Variants in C10orf105 observed in about 807,000 individuals in gnomAD.
C10orf105 encodes the protein uncharacterized protein C10orf105.
In C10orf105, 2 loss-of-function variants were observed where a neutral mutation model predicts 0.6. That is an observed-to-expected ratio of 3.18 (90% CI 1.30 to 10.01). The LOEUF (loss-of-function observed/expected upper bound fraction) is 10.01. C10orf105 is among the 30% of genes most tolerant of loss of function. The pLI, the probability that C10orf105 is intolerant of heterozygous loss-of-function variation, is 0.04. For synonymous variants in C10orf105, 95 were observed against 82.4 expected (o/e 1.15, Z -0.83); for missense variants, 209 against 191.4 (o/e 1.09, Z -0.54).
Position 71,716,270 on chromosome 10 carries a change from G to A in C10orf105, c.68C>T (p.Pro23Leu), listed in dbSNP as rs1235404744. The change falls in exon 2 of 2, where the codon CCC becomes CTC. Residue 23 changes from proline (P) to leucine (L), a missense_variant. Transcript: ENST00000441508. Reference protein sequence around the residue: ...AISPLAFLSAPVTPGTLAEAT... With the variant: ...AISPLAFLSALVTPGTLAEAT... ...CTCTGCAAGGGTCCCGGGAGTGACG[G>A]GAGCTGAGAGAAAGGCGAGGGGGCT... 11 of 1,537,612 alleles carry A rather than the reference G, an allele frequency of 7.2e-6. No individual in the cohort carries two copies. Among genetic ancestry groups the A allele is most frequent in the East Asian group, 2.5e-5 (1 of 40,446 alleles).
chr10:71,724,774 T>A (rs1024616126), upstream of C10orf105, among the ~76,000 whole-genome samples: 1 of 152,168 alleles, frequency 6.6e-6, no homozygotes, highest in African/African-American at 2.4e-5. Flanking sequence ...AACCAATCGC[T>A]ATGGCCAGAG....
intron 1 of C10orf105, among the ~76,000 whole-genome samples, chr10:71,730,039 T>G (rs2132818234): frequency 6.6e-6 from 1 of 152,254 alleles, no homozygotes; most frequent in Admixed American, 6.5e-5. Flanking sequence ...TTTCACCGTG[T>G]TAGCCAGGAT....
intron 1 of C10orf105, among the ~76,000 whole-genome samples, chr10:71,730,258 G>A (rs886173721): frequency 2.0e-5 from 3 of 152,214 alleles, no homozygotes; most frequent in East Asian, 1.9e-4. Context: ...AGTTCATTCC[G>A]AAACAAGTAA....
intron 1 of C10orf105, among the ~76,000 whole-genome samples, chr10:71,728,592 A>C (rs1866918414): frequency 6.6e-6 from 1 of 152,170 alleles, no homozygotes. Flanking sequence ...TCTGCTGCAC[A>C]TGCAGAGGCC....
chr10:71,716,035 G>A lies in C10orf105; in HGVS notation c.303C>T (p.His101=). 2 of 1,508,066 alleles carry A rather than the reference G, an allele frequency of 1.3e-6. No homozygotes were observed. The allele number at this position is 1,508,066 out of a possible 1,614,324, so 93.4% of individuals were successfully genotyped here. Residue 101 remains histidine (H), a synonymous_variant, in exon 2 of 2, where the codon CAC becomes CAT. Coordinates refer to ENST00000441508, the MANE Select transcript of C10orf105 (RefSeq NM_001164375.3). ...CGGTGGGCCGGCCATGGCGGAAGCT[G>A]TGCAGGGAGAGGCGCAAGGAGCCCA... ...KRLGSLRLSL[H]SFRHGRPTVP... is the part of the protein sequence containing the mutation.
intron 1 of C10orf105, among the ~76,000 whole-genome samples, chr10:71,735,838 C>T (rs538092353): frequency 1.2e-4 from 19 of 152,344 alleles, no homozygotes; most frequent in African/African-American, 4.1e-4. Context: ...GAAGTCTCCA[C>T]AGCTCCCCTC....
At chr10:71,732,129 TGACCAG>T in intron 1 of C10orf105, 1 of 1,614,026 alleles carries the variant, frequency 6.2e-7, no homozygotes, top group East Asian at 2.2e-5. Context: ...TGTCGGCCAC[TGACCAG>T]GCCCCGCCCT....
At position 71,726,556 on chromosome 10, in the gene C10orf105, T is replaced by C. The variant is rs543253074; in HGVS notation, c.-5-10214A>G. Among the ~76,000 whole-genome samples the C allele has an allele frequency of 7.2e-5, 11 of 152,360 alleles. No homozygotes were observed. The East Asian group carries it at 1.3e-3, about 19-fold the overall frequency. On this transcript the variant is annotated intron_variant, in intron 1 of 1. Transcript: ENST00000398786. ...CCTTGCAACTGCCCTGAGTGAGACCTGCCCTGTGGAAATGGCTGAGAGGGT... is the reference window on the plus strand; with the variant it reads ...CCTTGCAACTGCCCTGAGTGAGACCCGCCCTGTGGAAATGGCTGAGAGGGT...
At chr10:71,718,743 G>C (rs1303860346) in intron 1 of C10orf105, among the ~76,000 whole-genome samples, 1 of 152,178 alleles carries the variant, frequency 6.6e-6, no homozygotes, top group Non-Finnish European at 1.5e-5. Flanking sequence ...TAGGATCCAG[G>C]CTTCAGGCCT....
Position 71,732,187 on chromosome 10 carries a change from G to A in C10orf105, c.-6+5541C>T, listed in dbSNP as rs1007435841. The A allele has an allele frequency of 5.0e-6, 8 of 1,613,850 alleles. No individual in the cohort carries two copies. Among genetic ancestry groups the A allele is most frequent in the South Asian group, 1.1e-5 (1 of 91,060 alleles). On this transcript the variant is annotated intron_variant, in intron 1 of 1. Transcript: ENST00000398786. ...CAGCGTCTACATCACTCTGCTCAAC[G>A]AGCTGGACGAGGCCGTGCAGTTCTC... is the stretch of plus-strand genomic sequence containing the variant.
intron 1 of C10orf105, among the ~76,000 whole-genome samples, chr10:71,729,836 A>AT (rs1202953738): frequency 6.6e-6 from 1 of 151,430 alleles, no homozygotes; most frequent in Non-Finnish European, 1.5e-5. Context: ...TTTTATTATT[A>AT]TTAATTTTTT....
upstream of C10orf105, among the ~76,000 whole-genome samples, chr10:71,723,571 C>G (rs556208183): frequency 7.2e-5 from 11 of 152,242 alleles, no homozygotes; most frequent in East Asian, 2.1e-3. Context: ...ACGAAGTGAC[C>G]GTTACAGTGT....
chr10:71,726,590 CT>C (rs1866822951), intron 1 of C10orf105, among the ~76,000 whole-genome samples: 1 of 152,234 alleles, frequency 6.6e-6, no homozygotes, highest in Admixed American at 6.5e-5. Flanking sequence ...GTCAGATCCC[CT>C]GGTTCTTACA....
chr10:71,720,924 A>G (rs76226002), upstream of C10orf105, among the ~76,000 whole-genome samples: 454 of 152,312 alleles, frequency 3.0e-3, 1 homozygote, highest in African/African-American at 0.01. Context: ...GTAGGCATCC[A>G]GGGTAGGCAA....
chr10:71,728,302 T>C (rs1298948652), intron 1 of C10orf105, among the ~76,000 whole-genome samples: 2 of 151,252 alleles, frequency 1.3e-5, no homozygotes, highest in East Asian at 3.9e-4. Context: ...TTAGTTTGCA[T>C]AGTGGGTTCT....
In C10orf105 at chr10:71,712,875, C is replaced by T; in HGVS notation, c.*3061G>A. On this transcript the variant is annotated 3_prime_UTR_variant, in exon 2 of 2. Coordinates refer to ENST00000441508, the MANE Select transcript of C10orf105 (RefSeq NM_001164375.3). Reference sequence around the variant, plus strand: ...TGGGGGAGGCGGAGCCACACACGGCCCTGAGGGCACATGCTCAGTGGCACC... The same window carrying T: ...TGGGGGAGGCGGAGCCACACACGGCTCTGAGGGCACATGCTCAGTGGCACC... The T allele has an allele frequency of 6.4e-7, 1 of 1,566,662 alleles. No individual in the cohort carries two copies. The highest frequency in any genetic ancestry group is 1.2e-5 in the South Asian group (1 of 86,772).
Position 71,716,069 on chromosome 10 carries a change from C to T in C10orf105, c.269G>A (p.Trp90Ter), listed in dbSNP as rs1200998613. The T allele has an allele frequency of 4.0e-6, 6 of 1,516,236 alleles. No homozygotes were observed. The highest frequency in any genetic ancestry group is 1.4e-5 in the African/African-American group (1 of 71,960). 93.9% of individuals were successfully genotyped at this position (1,516,236 alleles called of 1,614,324 possible). Residue 90 changes from tryptophan (W) to a stop codon, truncating the protein, a stop_gained, in exon 2 of 2, where the codon TGG (tryptophan) becomes TAG (stop). Coordinates refer to ENST00000441508, the MANE Select transcript of C10orf105 (RefSeq NM_001164375.3). LOFTEE classifies it low-confidence loss of function (END_TRUNC). ...GSPSEPQLRL[W>*]KRLGSLRLSL... ...GAGGCGCAAGGAGCCCAGGCGCTTC[C>T]AGAGCCGGAGCTGGGGCTCACTGGG... is the stretch of plus-strand genomic sequence containing the variant.
intron 1 of C10orf105, chr10:71,725,464 G>C (rs763379895): frequency 1.9e-6 from 3 of 1,613,998 alleles, no homozygotes; most frequent in Non-Finnish European, 2.5e-6. Context: ...CTCATCCCAC[G>C]TGCTGATAGT....
upstream of C10orf105, chr10:71,723,958 G>A (rs1378407765): frequency 1.3e-5 from 19 of 1,463,510 alleles, no homozygotes; most frequent in East Asian, 2.5e-5. Context: ...GGTAGGATGC[G>A]TGAAGGGAAG....
Sources: gnomAD v4.1 joint callset for allele counts (sites outside exome capture counted in the v4.1 genomes callset) on GRCh38, gnomAD v4.1.1 for gene constraint, MANE v1.5 for transcripts, NCBI Gene and HGNC (gene_info 2026-07-23, HGNC 2026-07-21) for gene names.